The following CERS3 variants were observed in gnomAD, a reference collection of about 807,000 sequenced individuals.
The protein encoded by CERS3 is ceramide synthase 3, also known as LAG1 homolog, ceramide synthase 3.
A neutral mutation model predicts 50.3 loss-of-function variants in CERS3; 33 were observed. The ratio of observed to expected loss-of-function variants is 0.66; its 90% CI spans 0.50 to 0.88. The LOEUF is 0.88. Ranked by LOEUF, CERS3 falls within the 40% of genes least tolerant of loss-of-function variation. CERS3 has a pLI of 0.00. For missense variants in CERS3, 470 were observed against 460.3 expected (o/e 1.02, Z -0.19); for synonymous variants, 176 against 155.2 (o/e 1.13, Z -0.99).
intron 4 of CERS3, among the ~76,000 whole-genome samples, chr15:100,489,307 G>A (rs906918412): frequency 1.3e-5 from 2 of 152,146 alleles, no homozygotes; most frequent in African/African-American, 4.8e-5. Context: ...TTAGCCGAAC[G>A]ACCACTCATT....
At chr15:100,540,336 A>G (rs917360548) in intron 1 of CERS3, among the ~76,000 whole-genome samples, 14 of 152,350 alleles carry the variant, frequency 9.2e-5, no homozygotes, top group Non-Finnish European at 1.5e-4. Flanking sequence ...TGAGGTCAGG[A>G]GTTCGAGACC....
intron 11 of CERS3, among the ~76,000 whole-genome samples, chr15:100,454,355 A>C (rs1325317708): frequency 1.4e-5 from 2 of 139,252 alleles, no homozygotes; most frequent in Non-Finnish European, 3.0e-5. Context: ...ATGCCCCTGC[A>C]CTCTAGCCTT....
At chr15:100,480,986 T>C (rs1276231275) in intron 5 of CERS3, among the ~76,000 whole-genome samples, 2 of 152,148 alleles carry the variant, frequency 1.3e-5, no homozygotes, top group African/African-American at 4.8e-5. Context: ...ACGTTCCAAA[T>C]AAAAAGTTTT....
Position 100,455,956 on chromosome 15 carries a change from C to G in CERS3, c.936G>C (p.Gln312His). The change falls in exon 11 of 12, where the codon CAG becomes CAC. Residue 312 changes from glutamine (Q) to histidine (H), a missense_variant. By Grantham distance (24) the Gln-to-His change is conservative. Coordinates refer to ENST00000679737, the MANE Select transcript of CERS3 (RefSeq NM_001378789.1). The part of the protein sequence containing the change: ...IFLNLQLMIL[Q>H]VLHLYWGYYI... ...AATAACCCCAGTAAAGGTGAAGGACCTGCAAGATCATGAGCTGTAGGTTGA... is the reference window on the plus strand; with the variant it reads ...AATAACCCCAGTAAAGGTGAAGGACGTGCAAGATCATGAGCTGTAGGTTGA... 6.2e-7 allele frequency: 1 copy of G among 1,613,242 alleles called. No homozygotes were observed. Among genetic ancestry groups the G allele is most frequent in the South Asian group, 1.1e-5 (1 of 91,038 alleles).
At chr15:100,544,311 G>A (rs976837057) in intron 1 of CERS3, 2 of 147,148 alleles carry the variant, frequency 1.4e-5, no homozygotes, top group African/African-American at 5.1e-5. Context: ...GCGCGACTGG[G>A]CCCCAGGACA....
chr15:100,529,565 A>G (rs1375040653), upstream of CERS3, among the ~76,000 whole-genome samples: 1 of 152,262 alleles, frequency 6.6e-6, no homozygotes, highest in Non-Finnish European at 1.5e-5. Flanking sequence ...GCTCATTAGT[A>G]TCAGGAAATA....
At chr15:100,528,639 C>T (rs1378890782) in intron 1 of CERS3, among the ~76,000 whole-genome samples, 174 bp downstream of exon 1, 1 of 152,184 alleles carries the variant, frequency 6.6e-6, no homozygotes. Context: ...TCCCAAACAT[C>T]AGACCAAAAA....
At chr15:100,508,028 C>A (rs147738107) in intron 2 of CERS3, among the ~76,000 whole-genome samples, 25 of 152,228 alleles carry the variant, frequency 1.6e-4, no homozygotes, top group Non-Finnish European at 2.8e-4. Flanking sequence ...AACCAAGAAC[C>A]CCAACTTATA....
intron 2 of CERS3, among the ~76,000 whole-genome samples, chr15:100,519,137 C>A (rs182811323): frequency 6.7e-6 from 1 of 149,296 alleles, no homozygotes; most frequent in South Asian, 2.1e-4. Flanking sequence ...CCAGCCTGGG[C>A]GACAGAGAGA....
chr15:100,440,476 A>T (rs2142149485), intron 11 of CERS3, among the ~76,000 whole-genome samples: 1 of 152,292 alleles, frequency 6.6e-6, no homozygotes, highest in South Asian at 2.1e-4. Context: ...CAAATCCTAT[A>T]AAACGGCCCC....
chr15:100,406,955 G>A (rs990023022), intron 11 of CERS3, among the ~76,000 whole-genome samples: 1 of 152,180 alleles, frequency 6.6e-6, no homozygotes, highest in African/African-American at 2.4e-5. Flanking sequence ...GAGAGAGCTT[G>A]TGCAGGGGAA....
intron 1 of CERS3, among the ~76,000 whole-genome samples, chr15:100,541,912 C>T (rs1247300439): frequency 6.6e-6 from 1 of 152,132 alleles, no homozygotes; most frequent in Non-Finnish European, 1.5e-5. Flanking sequence ...AAACTCTCGG[C>T]AAGGCCTATT....
chr15:100,455,202 T>C (rs971418476), intron 11 of CERS3, among the ~76,000 whole-genome samples: 8 of 151,770 alleles, frequency 5.3e-5, no homozygotes, highest in African/African-American at 1.9e-4. Flanking sequence ...AAACTAAATG[T>C]AGAACTACCA....
At chr15:100,474,235 T>C (rs2035056193) in intron 8 of CERS3, among the ~76,000 whole-genome samples, 1 of 152,178 alleles carries the variant, frequency 6.6e-6, no homozygotes, top group South Asian at 2.1e-4. Context: ...TCTGAATATA[T>C]GTTAAAAACT....
chr15:100,484,332 G>A (rs1017680044), intron 5 of CERS3, among the ~76,000 whole-genome samples: 3 of 152,128 alleles, frequency 2.0e-5, no homozygotes, highest in Non-Finnish European at 2.9e-5. Context: ...ATTCTGGTTC[G>A]GGAGGCCCGA....
At chr15:100,453,471 C>A (rs1204834861) in intron 11 of CERS3, among the ~76,000 whole-genome samples, 1 of 152,110 alleles carries the variant, frequency 6.6e-6, no homozygotes, top group Non-Finnish European at 1.5e-5. Flanking sequence ...TAAAAACTCT[C>A]AACAAACTAG....
At chr15:100,510,972 A>G (rs1374032329) in intron 2 of CERS3, among the ~76,000 whole-genome samples, 2 of 152,214 alleles carry the variant, frequency 1.3e-5, no homozygotes, top group African/African-American at 2.4e-5. Flanking sequence ...ACTGTAAAAC[A>G]TGGAGACTTC....
chr15:100,413,835 T>C (rs1348359230), intron 11 of CERS3, among the ~76,000 whole-genome samples: 1 of 147,268 alleles, frequency 6.8e-6, no homozygotes, highest in East Asian at 2.0e-4. Context: ...CTAGAAAACC[T>C]AGAAGAAATG....
At chr15:100,520,892 C>T (rs1422758387) in intron 2 of CERS3, among the ~76,000 whole-genome samples, 1 of 152,132 alleles carries the variant, frequency 6.6e-6, no homozygotes, top group East Asian at 1.9e-4. Context: ...CAGGTCAAAA[C>T]CGGGAATAAT....
Sources: allele counts gnomAD v4.1 joint callset (sites outside exome capture counted in the v4.1 genomes callset), GRCh38; gene constraint gnomAD v4.1.1; transcripts MANE v1.5; gene names NCBI Gene and HGNC (gene_info 2026-07-23, HGNC 2026-07-21).